SCAI: variants seen among roughly 807,000 people sequenced by gnomAD.
SCAI encodes suppressor of cancer cell invasion, also known as protein SCAI.
In SCAI, 24 loss-of-function variants were observed where a neutral mutation model predicts 92.2. The observed-to-expected ratio is 0.26, with a 90% CI of 0.19 to 0.37. The LOEUF (loss-of-function observed/expected upper bound fraction) is 0.37. SCAI is among the 10% of genes least tolerant of loss of function. The pLI is 1.00. For missense variants in SCAI, 450 were observed against 736.2 expected, an observed-to-expected ratio of 0.61 and a Z score of 4.50; for synonymous variants, 261 against 258.6, an observed-to-expected ratio of 1.01 and a Z score of -0.09.
At chr9:124,987,323 G>A (rs1274494749) in intron 14 of SCAI, among the ~76,000 whole-genome samples, 1 of 103,796 alleles carries the variant, frequency 9.6e-6, no homozygotes, top group African/African-American at 3.1e-5. Flanking sequence ...CACCTGGATG[G>A]CTTTTTTTTA....
At position 125,136,349 on chromosome 9, in the gene SCAI, C is replaced by T. The variant is rs577397677; in HGVS notation, c.98+6284G>A. ...TGGTCTTGAACTCCTGGGCTCACAC[C>T]ATTCATCTGCCTCAATTAATTCATC... On this transcript the variant is annotated intron_variant, in intron 2 of 17. Transcript: ENST00000336505. 1.3e-4 allele frequency among the ~76,000 whole-genome samples: 19 copies of T among 151,762 alleles called. No individual in the cohort carries two copies. The East Asian group carries it at 3.5e-3, about 28-fold the overall frequency.
intron 2 of SCAI, among the ~76,000 whole-genome samples, chr9:125,110,818 T>A (rs1189737250): frequency 1.3e-5 from 2 of 152,208 alleles, no homozygotes; most frequent in Non-Finnish European, 2.9e-5. Flanking sequence ...CTAATATGGT[T>A]CTGCTCCTGC....
chr9:125,082,087 G>A (rs1346860538), intron 2 of SCAI, among the ~76,000 whole-genome samples: 1 of 152,152 alleles, frequency 6.6e-6, no homozygotes, highest in African/African-American at 2.4e-5. Context: ...CCCATCACAG[G>A]CCTGGAGGTC....
In SCAI at chr9:125,042,636, C is replaced by CGTGTGTGTGTGT. The variant is rs1564390396; in HGVS notation, c.231-12898_231-12897insACACACACACAC. 7.2e-3 allele frequency among the ~76,000 whole-genome samples: 444 copies of CGTGTGTGTGTGT among 61,916 alleles called. 1 individual carries two copies. Among genetic ancestry groups the CGTGTGTGTGTGT allele is most frequent in the African/African-American group, 0.025 (388 of 15,306 alleles). The allele number at this position is 61,916 out of a possible 152,430, so 40.6% of individuals were successfully genotyped here. Reference sequence around the variant, plus strand: ...GAGTATGTGTGTGTGTGTGTGTGTACACACACACACACACACACACACACA... The same window carrying CGTGTGTGTGTGT: ...GAGTATGTGTGTGTGTGTGTGTGTACGTGTGTGTGTGTACACACACACACACACACACACACA... On this transcript the variant is annotated intron_variant, in intron 3 of 17. Coordinates refer to ENST00000336505, the MANE Select transcript of SCAI (RefSeq NM_001144877.3).
rs1832699342 is a variant in SCAI, at chr9:125,014,144, A to G, written c.861+4655T>C. Among the ~76,000 whole-genome samples, 6 of 151,898 alleles carry G rather than the reference A, an allele frequency of 4.0e-5. No individual in the cohort carries two copies. The South Asian group carries it at 1.2e-3, about 32-fold the overall frequency. On this transcript the variant is annotated intron_variant, in intron 9 of 17. Transcript: ENST00000336505. ...CAAGACAGGGATGCCCTCTCTCACC[A>G]CTCCTATTCAACACAGTGTTGGAAG...
intron 2 of SCAI, among the ~76,000 whole-genome samples, chr9:125,086,728 TGG>T (rs1379167343): frequency 6.6e-6 from 1 of 152,180 alleles, no homozygotes; most frequent in Non-Finnish European, 1.5e-5. Context: ...AAGAGTGGCG[TGG>T]GTAAGAGCAC....
At chr9:125,142,604 T>C (rs1835692998) in intron 2 of SCAI, 29 bp downstream of exon 2, 2 of 1,600,556 alleles carry the variant, frequency 1.2e-6, no homozygotes, top group Non-Finnish European at 1.7e-6. Context: ...AAGAAAAACA[T>C]GAAGCAAAAT....
chr9:124,952,913 C>T lies in SCAI; in HGVS notation c.1715G>A (p.Arg572Lys). The T allele has an allele frequency of 6.2e-7, 1 of 1,613,846 alleles. No homozygotes were observed. ...ATGAGGATTCTCCACTGTTTCATCC[C>T]TTGGCAGTTGTGGATATGATTCTGG... ...NYPESYPQLP[R>K]DETVENPHLQ... Residue 572 changes from arginine to lysine, a missense_variant, in exon 18 of 18, where the codon AGG (arginine) becomes AAG (lysine). Arg to Lys is a conservative substitution (Grantham distance 26, BLOSUM62 2). This residue lies in a region of SCAI where 360 missense variants were observed against 601.8 expected (regional missense o/e 0.60). Transcript: ENST00000336505.
At chr9:124,962,174 G>GGC (rs1564358566) in intron 17 of SCAI, among the ~76,000 whole-genome samples, 2 of 142,964 alleles carry the variant, frequency 1.4e-5, no homozygotes, top group Non-Finnish European at 3.1e-5. Flanking sequence ...TTTTTTTGCG[G>GGC]GGGGGGATGG....
At chr9:124,992,072 A>G (rs1420271202) in intron 14 of SCAI, among the ~76,000 whole-genome samples, 1 of 151,782 alleles carries the variant, frequency 6.6e-6, no homozygotes, top group East Asian at 2.0e-4. Context: ...TCACAAAAAC[A>G]TGCCTGGCTA....
chr9:124,992,571 A>G (rs899200341), intron 14 of SCAI, among the ~76,000 whole-genome samples: 1 of 151,432 alleles, frequency 6.6e-6, no homozygotes, highest in African/African-American at 2.4e-5. Flanking sequence ...TCCAGTAGAG[A>G]CGGGATTTCA....
intron 2 of SCAI, among the ~76,000 whole-genome samples, chr9:125,057,497 C>G (rs1360129721): frequency 6.6e-6 from 1 of 152,162 alleles, no homozygotes; most frequent in Middle Eastern, 3.2e-3. Context: ...CAGCTAGAAC[C>G]ATTAAAGTAA....
At chr9:125,070,397 CTTT>C (rs34011891) in intron 2 of SCAI, among the ~76,000 whole-genome samples, 15 of 118,258 alleles carry the variant, frequency 1.3e-4, no homozygotes, top group Admixed American at 1.9e-4. Flanking sequence ...TAAAAACAAT[CTTT>C]TTTTTTTTTT....
intron 9 of SCAI, among the ~76,000 whole-genome samples, chr9:125,016,036 G>T (rs544612218): frequency 9.3e-6 from 1 of 107,456 alleles, no homozygotes; most frequent in East Asian, 3.2e-4. Flanking sequence ...GTTGTGGGGC[G>T]GGGGGAGGGG....
intron 17 of SCAI, among the ~76,000 whole-genome samples, chr9:124,965,234 T>TG (rs1831515573): frequency 6.6e-6 from 1 of 152,160 alleles, no homozygotes; most frequent in African/African-American, 2.4e-5. Flanking sequence ...TGTCTTTTTT[T>TG]TGTGTGTATG....
At chr9:125,072,468 T>A (rs73577890) in intron 2 of SCAI, among the ~76,000 whole-genome samples, 2 of 152,110 alleles carry the variant, frequency 1.3e-5, no homozygotes, top group Admixed American at 6.5e-5. Flanking sequence ...ACAGAAAAAA[T>A]TGAAAAATGT....
chr9:125,070,965 C>T (rs895953332), intron 2 of SCAI, among the ~76,000 whole-genome samples: 4 of 152,048 alleles, frequency 2.6e-5, no homozygotes, highest in Non-Finnish European at 5.9e-5. Context: ...GCGGTTTCCC[C>T]CATACTGTTC....
intron 2 of SCAI, among the ~76,000 whole-genome samples, chr9:125,108,211 G>T (rs1299723550): frequency 2.6e-5 from 4 of 152,244 alleles, no homozygotes; most frequent in African/African-American, 9.6e-5. Flanking sequence ...GCCTGCCTTG[G>T]CCTCCCAAAG....
chr9:125,060,113 A>G (rs1004238238), intron 2 of SCAI, among the ~76,000 whole-genome samples: 2 of 152,338 alleles, frequency 1.3e-5, no homozygotes, highest in East Asian at 1.9e-4. Flanking sequence ...TGAAAAGTCT[A>G]TCTCACCATC....
Sources: gnomAD v4.1 joint callset for allele counts (sites outside exome capture counted in the v4.1 genomes callset) on GRCh38, gnomAD v4.1.1 for gene constraint, gnomAD v4.1.1 regional missense constraint, MANE v1.5 for transcripts, NCBI Gene and HGNC (gene_info 2026-07-23, HGNC 2026-07-21) for gene names.